Variants in TENM1 observed in about 807,000 individuals in gnomAD.
TENM1 encodes teneurin transmembrane protein 1, also known as teneurin-1.
In TENM1, 35 loss-of-function variants were observed where a neutral mutation model predicts 174.8. That is an observed-to-expected ratio of 0.20 (90% CI 0.15 to 0.27). The LOEUF is 0.27. Ranked by LOEUF, TENM1 falls within the 10% of genes least tolerant of loss-of-function variation. The pLI, the probability that TENM1 is intolerant of heterozygous loss-of-function variation, is 1.00. For synonymous variants in TENM1, 781 were observed against 798.7 expected, an observed-to-expected ratio of 0.98 and a Z score of 0.37; for missense variants, 1,633 against 2,130.1, an observed-to-expected ratio of 0.77 and a Z score of 4.59.
intron 3 of TENM1, among the ~76,000 whole-genome samples, chrX:124,780,551 A>T (rs1395270046): frequency 9.0e-6 from 1 of 111,564 alleles, no homozygotes; most frequent in African/African-American, 3.3e-5. Context: ...CCTGCAAATG[A>T]CTTTGTAGCC....
At chrX:124,529,712 A>T in intron 16 of TENM1, 152 bp downstream of exon 19, 1 of 743,544 alleles carries the variant, frequency 1.3e-6, no homozygotes, top group Non-Finnish European at 2.0e-6. Flanking sequence ...ATTAATTAGG[A>T]AATAGAGGAA....
chrX:124,972,928 G>A, the TENM1 span, among the ~76,000 whole-genome samples: 8 of 112,034 alleles, frequency 7.1e-5, no homozygotes, highest in East Asian at 2.2e-3. Context: ...ACCTGAGACG[G>A]GCTAATTTAT....
chrX:124,494,556 C>T (rs2047144695), intron 20 of TENM1, among the ~76,000 whole-genome samples: 2 of 110,059 alleles, frequency 1.8e-5, no homozygotes, highest in South Asian at 7.8e-4. Flanking sequence ...TACATGTGCA[C>T]ATTGTACAGG....
chrX:124,752,151 C>T (rs2054090470), intron 3 of TENM1, among the ~76,000 whole-genome samples: 1 of 111,426 alleles, frequency 9.0e-6, no homozygotes, highest in African/African-American at 3.3e-5. Context: ...TCTCCAACAC[C>T]TGTTGTTTCC....
chrX:124,977,848 T>C, the TENM1 span, among the ~76,000 whole-genome samples: 50 of 110,005 alleles, frequency 4.5e-4, no homozygotes, highest in African/African-American at 1.6e-3. Flanking sequence ...TGTTGTGTTA[T>C]TCTGCCCCTT....
intron 1 of TENM1, among the ~76,000 whole-genome samples, chrX:124,951,341 A>T (rs2147781811): frequency 9.0e-6 from 1 of 110,987 alleles, no homozygotes; most frequent in East Asian, 2.8e-4. Flanking sequence ...CTATATCTAT[A>T]GTCTAGTGCA....
intron 23 of TENM1, among the ~76,000 whole-genome samples, chrX:124,434,308 A>G (rs2060811301): frequency 9.0e-6 from 1 of 111,602 alleles, no homozygotes; most frequent in African/African-American, 3.3e-5. Context: ...ACACCACTCT[A>G]TTATATAAGG....
chrX:124,818,382 C>T (rs745666388), intron 3 of TENM1, among the ~76,000 whole-genome samples: 8 of 111,772 alleles, frequency 7.2e-5, no homozygotes, highest in East Asian at 2.8e-4. Flanking sequence ...CCTGCCCTTG[C>T]GAAATTTATC....
chrX:124,876,970 T>C (rs748810020), intron 3 of TENM1, among the ~76,000 whole-genome samples: 3 of 112,352 alleles, frequency 2.7e-5, no homozygotes, highest in South Asian at 3.7e-4. Context: ...CCTATAAGAA[T>C]TGGTTCTTGA....
intron 3 of TENM1, among the ~76,000 whole-genome samples, chrX:124,885,616 G>T (rs939811663): frequency 9.0e-6 from 1 of 110,891 alleles, no homozygotes; most frequent in Non-Finnish European, 1.9e-5. Flanking sequence ...AAAGAAAAAG[G>T]TAAGATGCTA....
rs150546430 is a variant in TENM1 at position 124,728,499 on chromosome X, T to C, written c.776+8458A>G. Among the ~76,000 whole-genome samples the C allele has an allele frequency of 3.1e-3, 345 of 111,592 alleles. 2 individuals are homozygous for C. The highest frequency in any genetic ancestry group is 0.01 in the African/African-American group (321 of 30,788). On this transcript the variant is annotated intron_variant, in intron 4 of 31. Transcript: ENST00000422452. ...GTGATATGTTATTCCCAGAATGCCC[T>C]TTCCTCCATTTTTCACTTAGTATCA... is the stretch of plus-strand genomic sequence containing the variant.
At chrX:124,499,614 GTTAA>G (rs1320986042) in intron 19 of TENM1, among the ~76,000 whole-genome samples, 4 of 111,603 alleles carry the variant, frequency 3.6e-5, no homozygotes, top group Non-Finnish European at 7.5e-5. Flanking sequence ...ATTTAGAATA[GTTAA>G]TTAAGTAAGA....
At chrX:125,010,310 C>G in the TENM1 span, among the ~76,000 whole-genome samples, 1 of 110,466 alleles carries the variant, frequency 9.1e-6, no homozygotes, top group Non-Finnish European at 1.9e-5. Context: ...CCTAGGAATA[C>G]AGCTAACAAG....
chrX:124,578,402 T>C (rs772630016), intron 11 of TENM1, among the ~76,000 whole-genome samples: 1 of 111,488 alleles, frequency 9.0e-6, no homozygotes, highest in African/African-American at 3.3e-5. Context: ...CAGGATAGCA[T>C]AGTGATTAAG....
chrX:124,783,696 G>A (rs930043550), intron 3 of TENM1, among the ~76,000 whole-genome samples: 1 of 111,687 alleles, frequency 9.0e-6, no homozygotes, highest in East Asian at 2.8e-4. Context: ...GAAGGCATGG[G>A]TTAATTTCCA....
At chrX:124,782,537 C>T (rs1159382390) in intron 3 of TENM1, among the ~76,000 whole-genome samples, 1 of 110,954 alleles carries the variant, frequency 9.0e-6, no homozygotes, top group Non-Finnish European at 1.9e-5. Context: ...CCTACATATA[C>T]ACTGTTCTTT....
the TENM1 span, among the ~76,000 whole-genome samples, chrX:125,053,649 C>T: frequency 9.0e-6 from 1 of 111,319 alleles, no homozygotes; most frequent in South Asian, 3.8e-4. Context: ...CCTGCTGTAT[C>T]GTAGGTTTGG....
intron 24 of TENM1, 105 bp from the exon 28 acceptor site, chrX:124,420,926 A>G: frequency 5.3e-6 from 4 of 753,589 alleles, no homozygotes; most frequent in African/African-American, 2.1e-5. Context: ...AAAGGAAACA[A>G]TCAGTGAACC....
At chrX:124,886,067 T>C (rs1016090453) in intron 3 of TENM1, among the ~76,000 whole-genome samples, 2 of 112,072 alleles carry the variant, frequency 1.8e-5, no homozygotes, top group Non-Finnish European at 3.8e-5. Flanking sequence ...GTCCTAACTA[T>C]GGCAATTGAA....
Sources: allele counts gnomAD v4.1 joint callset (sites outside exome capture counted in the v4.1 genomes callset), GRCh38; gene constraint gnomAD v4.1.1; transcripts MANE v1.5; gene names NCBI Gene and HGNC (gene_info 2026-07-23, HGNC 2026-07-21).